ARL9: variants seen among roughly 807,000 people sequenced by gnomAD.
ARL9 encodes the protein ARF like GTPase 9, also known as ADP-ribosylation factor-like protein 9.
Under a neutral mutation model 27.0 loss-of-function variants are expected in ARL9, and 14 were observed. The ratio of observed to expected loss-of-function variants is 0.52; its 90% CI spans 0.34 to 0.81. ARL9 has a LOEUF of 0.81. Among genes scored for constraint, ARL9 ranks in the 30% least tolerant of loss-of-function variants. ARL9 has a pLI of 0.01. For synonymous variants in ARL9, 106 were observed against 108.7 expected (o/e 0.98, Z 0.15); for missense variants, 294 against 290.0 (o/e 1.01, Z -0.10).
At chr4:56,513,099 G>A (rs1047293308) in intron 2 of ARL9, among the ~76,000 whole-genome samples, 1 of 152,290 alleles carries the variant, frequency 6.6e-6, no homozygotes, top group East Asian at 1.9e-4. Context: ...AGCAGTTTAC[G>A]CTTGCAATCT....
At chr4:56,511,057 G>A in intron 1 of ARL9, 128 bp from the exon 2 acceptor site, 1 of 908,622 alleles carries the variant, frequency 1.1e-6, no homozygotes, top group Admixed American at 3.1e-5. Flanking sequence ...ACAGGCGTGA[G>A]CCACCGCACC....
At chr4:56,508,199 G>C (rs1307627839) in intron 1 of ARL9, among the ~76,000 whole-genome samples, 1 of 149,356 alleles carries the variant, frequency 6.7e-6, no homozygotes, top group African/African-American at 2.5e-5. Flanking sequence ...GCAATTTTAA[G>C]CCATCCAATG....
chr4:56,519,463 A>G (rs983949059), intron 3 of ARL9, among the ~76,000 whole-genome samples: 22 of 152,130 alleles, frequency 1.4e-4, no homozygotes, highest in Admixed American at 5.2e-4. Context: ...ACAAAAGATT[A>G]GCCGGGCTTA....
intron 1 of ARL9, among the ~76,000 whole-genome samples, chr4:56,509,502 GA>G (rs939544955): frequency 2.6e-5 from 4 of 151,588 alleles, no homozygotes; most frequent in African/African-American, 4.8e-5. Context: ...GCCTGGACTA[GA>G]ATGCTTCTTT....
At position 56,518,753 on chromosome 4, in the gene ARL9, A is replaced by C; in HGVS notation, c.518A>C (p.Asp173Ala). 6.2e-7 allele frequency: 1 copy of C among 1,613,968 alleles called. No individual in the cohort carries two copies. The highest frequency in any genetic ancestry group is 2.2e-5 in the East Asian group (1 of 44,888). Reference protein sequence around the residue: ...SKGLLLIFVVDSADHSRLPEA... With the variant: ...SKGLLLIFVVASADHSRLPEA... ...GGATTGCTGCTGATCTTTGTGGTGG[A>C]TTCAGCAGATCACAGCCGATTACCT... Residue 173 changes from aspartate (D) to alanine (A), a missense_variant, in exon 3 of 4, where the codon GAT becomes GCT. Physicochemically the swap from Asp to Ala is moderately radical, Grantham distance 126. Coordinates refer to ENST00000640821, the MANE Select transcript of ARL9 (RefSeq NM_001363794.2).
intron 2 of ARL9, among the ~76,000 whole-genome samples, chr4:56,513,585 C>T (rs559811211): frequency 6.6e-6 from 1 of 152,180 alleles, no homozygotes; most frequent in Non-Finnish European, 1.5e-5. Context: ...ACCTGCTTTA[C>T]TCTTCCTGCT....
intron 2 of ARL9, among the ~76,000 whole-genome samples, chr4:56,517,076 G>T (rs188760698): frequency 1.3e-5 from 2 of 152,316 alleles, no homozygotes; most frequent in Non-Finnish European, 2.9e-5. Flanking sequence ...TAGATACAAG[G>T]AGAAACTCTT....
chr4:56,509,003 A>G (rs563121792), intron 1 of ARL9, among the ~76,000 whole-genome samples: 1 of 152,164 alleles, frequency 6.6e-6, no homozygotes, highest in African/African-American at 2.4e-5. Flanking sequence ...TTTGAGAAGT[A>G]GAATTGAATT....
chr4:56,517,429 G>C (rs920764835), intron 2 of ARL9, among the ~76,000 whole-genome samples: 5 of 152,286 alleles, frequency 3.3e-5, no homozygotes, highest in Middle Eastern at 3.4e-3. Context: ...GCTCTCTGTT[G>C]CAACCACTCA....
intron 2 of ARL9, among the ~76,000 whole-genome samples, chr4:56,517,619 G>A (rs148442844): frequency 1.3e-5 from 2 of 151,786 alleles, no homozygotes; most frequent in African/African-American, 4.8e-5. Flanking sequence ...TTTACCTAGC[G>A]AGCTGTACAA....
intron 3 of ARL9, among the ~76,000 whole-genome samples, chr4:56,519,234 G>A (rs889518948): frequency 6.6e-6 from 1 of 152,268 alleles, no homozygotes; most frequent in Middle Eastern, 3.4e-3. Context: ...TATATGTGGA[G>A]AATTTGGAAC....
At chr4:56,515,145 T>A (rs1021121089) in intron 2 of ARL9, among the ~76,000 whole-genome samples, 30 of 151,456 alleles carry the variant, frequency 2.0e-4, no homozygotes, top group African/African-American at 6.3e-4. Context: ...TCCCAGCTAC[T>A]CAGGAGGCTG....
At chr4:56,516,426 A>G (rs779752627) in intron 2 of ARL9, among the ~76,000 whole-genome samples, 2 of 152,108 alleles carry the variant, frequency 1.3e-5, no homozygotes, top group African/African-American at 2.4e-5. Context: ...CATGCAACAC[A>G]TCCAAGCAAA....
chr4:56,520,884 G>C (rs780602313), intron 3 of ARL9, among the ~76,000 whole-genome samples: 116 of 152,238 alleles, frequency 7.6e-4, no homozygotes, highest in South Asian at 1.0e-3. Context: ...ACAGAAGCTA[G>C]TCCGGCAGAT....
chr4:56,521,776 T>C (rs1721925456), intron 3 of ARL9, among the ~76,000 whole-genome samples: 1 of 152,234 alleles, frequency 6.6e-6, no homozygotes, highest in African/African-American at 2.4e-5. Flanking sequence ...AAATTGCCTA[T>C]TAATATGTTT....
At chr4:56,506,191 G>T (rs1488448379) in intron 1 of ARL9, 50 bp downstream of exon 1, 4 of 1,232,456 alleles carry the variant, frequency 3.2e-6, no homozygotes, top group Admixed American at 4.2e-5. Flanking sequence ...TTTGTCGGCC[G>T]TTCAGACCCC....
upstream of ARL9, chr4:56,505,495 C>A (rs772920721): frequency 6.3e-6 from 3 of 477,072 alleles, no homozygotes; most frequent in Admixed American, 2.3e-5. Context: ...TCTTAGCCAC[C>A]CTGCCTGGCC....
At chr4:56,512,535 A>G (rs1578210102) in intron 2 of ARL9, among the ~76,000 whole-genome samples, 1 of 136,200 alleles carries the variant, frequency 7.3e-6, no homozygotes, top group South Asian at 2.3e-4. Flanking sequence ...AAAATCAATC[A>G]TTCTTTTTTT....
intron 1 of ARL9, 38 bp downstream of exon 1, chr4:56,506,179 C>T: frequency 8.1e-7 from 1 of 1,232,822 alleles, no homozygotes; most frequent in Non-Finnish European, 1.0e-6. Context: ...TGCCCCAAGG[C>T]TTTTGTCGGC....
Sources: gnomAD v4.1 joint callset for allele counts (sites outside exome capture counted in the v4.1 genomes callset) on GRCh38, gnomAD v4.1.1 for gene constraint, MANE v1.5 for transcripts, NCBI Gene and HGNC (gene_info 2026-07-23, HGNC 2026-07-21) for gene names.